CEP85L: variants seen among roughly 807,000 people sequenced by gnomAD.
CEP85L encodes centrosomal protein 85L, also known as centrosomal protein of 85 kDa-like.
A neutral mutation model predicts 100.3 loss-of-function variants in CEP85L; 60 were observed. The ratio of observed to expected loss-of-function variants is 0.60; its 90% CI spans 0.49 to 0.74. CEP85L has a LOEUF of 0.74. Ranked by LOEUF, CEP85L falls within the 30% of genes least tolerant of loss-of-function variation. The pLI is 0.00. For missense variants in CEP85L, 973 were observed against 936.2 expected, an observed-to-expected ratio of 1.04 and a Z score of -0.51; for synonymous variants, 319 against 322.7, an observed-to-expected ratio of 0.99 and a Z score of 0.12.
chr6:118,694,681 G>A (rs1473786839), intron 1 of CEP85L, among the ~76,000 whole-genome samples: 1 of 152,144 alleles, frequency 6.6e-6, no homozygotes, highest in Admixed American at 6.6e-5. Context: ...AGTGGGAAGT[G>A]TTTTTCTTTC....
chr6:118,633,539 A>T lies in CEP85L; in HGVS notation c.74-928T>A, dbSNP rs548430143. On this transcript the variant is annotated intron_variant, in intron 1 of 12. Coordinates refer to ENST00000368491, the MANE Select transcript of CEP85L (RefSeq NM_001042475.3). ...TTTTAATTTAAATACTTTTTAGCTA[A>T]TTTAAGGTTTTTCAATGTTCTTTCA... Among the ~76,000 whole-genome samples, 6 of 152,228 alleles carry T rather than the reference A, an allele frequency of 3.9e-5. No individual in the cohort carries two copies. The South Asian group carries it at 1.0e-3, about 26-fold the overall frequency.
At chr6:118,572,272 T>TAA (rs572307069) in intron 2 of CEP85L, among the ~76,000 whole-genome samples, 1,718 of 107,576 alleles carry the variant, frequency 0.016, 39 homozygotes, top group African/African-American at 0.053. Context: ...ACCCATTCTT[T>TAA]AAAAAAAAAA....
intron 3 of CEP85L, among the ~76,000 whole-genome samples, chr6:118,526,133 G>T (rs1438902492): frequency 6.6e-6 from 1 of 152,198 alleles, no homozygotes; most frequent in Non-Finnish European, 1.5e-5. Flanking sequence ...ACAGGGGCAG[G>T]TTAGACATCT....
intron 2 of CEP85L, among the ~76,000 whole-genome samples, chr6:118,566,633 G>A (rs926198290): frequency 1.3e-5 from 2 of 152,102 alleles, no homozygotes; most frequent in African/African-American, 2.4e-5. Flanking sequence ...TGGGCAGGCT[G>A]GTCTCGAACT....
chr6:118,494,328 G>A (rs1774782841), intron 5 of CEP85L, among the ~76,000 whole-genome samples: 1 of 152,172 alleles, frequency 6.6e-6, no homozygotes, highest in African/African-American at 2.4e-5. Flanking sequence ...TTCTGGCAGG[G>A]GGAGGGGAAA....
In CEP85L at chr6:118,483,693, T is replaced by G; in HGVS notation, c.1590+13A>C. On this transcript the variant is annotated intron_variant, in intron 7 of 12. Transcript: ENST00000368491. ...TCATGTCATTTAAAGATAAGCATTT[T>G]ATTTCATGTTACCTGTAGACTCTGA... 1 of 1,595,762 alleles carries G rather than the reference T, an allele frequency of 6.3e-7. No individual in the cohort carries two copies. The highest frequency in any genetic ancestry group is 1.4e-5 in the African/African-American group (1 of 73,890).
intron 1 of CEP85L, among the ~76,000 whole-genome samples, chr6:118,650,135 G>C (rs76059857): frequency 6.6e-6 from 1 of 152,088 alleles, no homozygotes; most frequent in East Asian, 1.9e-4. Flanking sequence ...TACACAAGTC[G>C]AGCTCAAACA....
At chr6:118,696,098 C>G (rs1777201348) in intron 1 of CEP85L, among the ~76,000 whole-genome samples, 1 of 152,044 alleles carries the variant, frequency 6.6e-6, no homozygotes, top group South Asian at 2.1e-4. Context: ...TGGTGAAAAC[C>G]TGTCTCTACT....
rs903249501 is a variant in CEP85L at position 118,545,518 on chromosome 6, G to A, written c.1020+20011C>T. Among the ~76,000 whole-genome samples, 9 of 152,150 alleles carry A rather than the reference G, an allele frequency of 5.9e-5. No individual in the cohort carries two copies. The East Asian group carries it at 1.7e-3, about 29-fold the overall frequency. On this transcript the variant is annotated intron_variant, in intron 3 of 12. Coordinates refer to ENST00000368491, the MANE Select transcript of CEP85L (RefSeq NM_001042475.3). ...CAGGAGAATCGCTTGAACCCGAGAG[G>A]GAGAGGTTGCAGTGAGCTGAGATCG...
At chr6:118,509,499 G>A (rs762283365) in intron 5 of CEP85L, among the ~76,000 whole-genome samples, 1 of 152,062 alleles carries the variant, frequency 6.6e-6, no homozygotes, top group Non-Finnish European at 1.5e-5. Flanking sequence ...CATAACTAAA[G>A]TATAAAAGGC....
intron 3 of CEP85L, among the ~76,000 whole-genome samples, chr6:118,530,860 CAA>C (rs34433730): frequency 9.2e-4 from 132 of 143,312 alleles, no homozygotes; most frequent in East Asian, 2.1e-3. Flanking sequence ...GAGATGATTC[CAA>C]AAAAAAAAAA....
intron 6 of CEP85L, among the ~76,000 whole-genome samples, chr6:118,486,858 CTCAT>C (rs1388972048): frequency 6.6e-6 from 1 of 152,118 alleles, no homozygotes; most frequent in Non-Finnish European, 1.5e-5. Flanking sequence ...CTCTCTCTCT[CTCAT>C]TGTTTTTTCC....
At chr6:118,547,604 T>C (rs751821381) in intron 3 of CEP85L, among the ~76,000 whole-genome samples, 9 of 152,250 alleles carry the variant, frequency 5.9e-5, no homozygotes, top group Non-Finnish European at 1.2e-4. Context: ...AGCATATTGC[T>C]ATTTTGGGGG....
intron 5 of CEP85L, chr6:118,502,776 TACA>T (rs1775389298): frequency 2.2e-5 from 13 of 598,236 alleles, no homozygotes; most frequent in South Asian, 2.0e-4. Flanking sequence ...AAAGAACTTG[TACA>T]ACAAGTAACT....
intron 5 of CEP85L, among the ~76,000 whole-genome samples, chr6:118,499,985 A>G (rs771420484): frequency 6.6e-6 from 1 of 152,146 alleles, no homozygotes; most frequent in Non-Finnish European, 1.5e-5. Flanking sequence ...ATCTTTTATA[A>G]AATGTCAAAA....
intron 1 of CEP85L, among the ~76,000 whole-genome samples, chr6:118,687,463 C>T (rs1413972081): frequency 6.6e-6 from 1 of 152,192 alleles, no homozygotes; most frequent in African/African-American, 2.4e-5. Context: ...CACCTTTAAA[C>T]ACGGGGCTTG....
At chr6:118,563,695 C>A (rs1441360675) in intron 3 of CEP85L, among the ~76,000 whole-genome samples, 1 of 152,210 alleles carries the variant, frequency 6.6e-6, no homozygotes, top group Non-Finnish European at 1.5e-5. Flanking sequence ...AGGCAATTCT[C>A]CTGCCTTGGC....
At chr6:118,520,692 C>T (rs890246770) in intron 4 of CEP85L, among the ~76,000 whole-genome samples, 1 of 152,160 alleles carries the variant, frequency 6.6e-6, no homozygotes, top group African/African-American at 2.4e-5. Context: ...CGCTACTTCC[C>T]CCAGCCTTCC....
intron 1 of CEP85L, among the ~76,000 whole-genome samples, chr6:118,671,481 A>G (rs2115427502): frequency 6.6e-6 from 1 of 152,338 alleles, no homozygotes; most frequent in Non-Finnish European, 1.5e-5. Context: ...TTCCGTTAGT[A>G]AAATGAAGAG....
Sources: allele counts gnomAD v4.1 joint callset (sites outside exome capture counted in the v4.1 genomes callset), GRCh38; gene constraint gnomAD v4.1.1; transcripts MANE v1.5; gene names NCBI Gene and HGNC (gene_info 2026-07-23, HGNC 2026-07-21).